Variants in TPO observed in about 807,000 individuals in gnomAD.
TPO encodes the protein thyroid microsomal antigen.
TPO carries 78 observed loss-of-function variants against 96.9 expected under a neutral mutation model. That is an observed-to-expected ratio of 0.81 (90% CI 0.67 to 0.97). The LOEUF is 0.97. Ranked by LOEUF, TPO falls within the 50% of genes least tolerant of loss-of-function variation. The probability of loss-of-function intolerance (pLI) is 0.00; values close to 1 mark genes in which losing one functional copy is unlikely to be tolerated. For missense variants in TPO, 1,252 were observed against 1,274.8 expected, an observed-to-expected ratio of 0.98 and a Z score of 0.27; for synonymous variants, 547 against 538.0, an observed-to-expected ratio of 1.02 and a Z score of -0.23.
At chr2:1,408,139 C>T (rs532066471) in intron 1 of TPO, among the ~76,000 whole-genome samples, 7 of 152,316 alleles carry the variant, frequency 4.6e-5, no homozygotes, top group South Asian at 2.1e-4. Context: ...GATGGCCACT[C>T]GAGCACACAG....
At chr2:1,407,055 ATG>A (rs1662259178) in intron 1 of TPO, among the ~76,000 whole-genome samples, 1 of 152,180 alleles carries the variant, frequency 6.6e-6, no homozygotes. Context: ...AAGGTGAGCA[ATG>A]TAAGTATTGT....
chr2:1,446,946 T>G (rs372902792), intron 5 of TPO, among the ~76,000 whole-genome samples: 9 of 152,198 alleles, frequency 5.9e-5, no homozygotes, highest in African/African-American at 1.9e-4. Context: ...CCCATCTCAT[T>G]TTATGTTTTC....
intron 7 of TPO, among the ~76,000 whole-genome samples, chr2:1,464,635 G>A (rs568358075): frequency 6.6e-6 from 1 of 152,166 alleles, no homozygotes; most frequent in Admixed American, 6.5e-5. Context: ...GTTTTGATTT[G>A]CATTTCCCTG....
At chr2:1,388,823 G>A (rs1425911185) in intron 1 of TPO, among the ~76,000 whole-genome samples, 1 of 152,162 alleles carries the variant, frequency 6.6e-6, no homozygotes, top group Non-Finnish European at 1.5e-5. Context: ...GCTGTAGACT[G>A]GAGCTCTTCC....
chr2:1,401,374 A>T (rs755236539), intron 1 of TPO, among the ~76,000 whole-genome samples: 141 of 152,280 alleles, frequency 9.3e-4, no homozygotes, highest in South Asian at 1.9e-3. Flanking sequence ...AATCAGTTAG[A>T]GCAGGAGCCC....
Position 1,456,196 on chromosome 2 carries a change from C to T in TPO, c.733C>T (p.Pro245Ser). 6.2e-7 allele frequency: 1 copy of T among 1,614,138 alleles called. No individual in the cohort carries two copies. Among genetic ancestry groups the T allele is most frequent in the Non-Finnish European group, 8.5e-7 (1 of 1,180,052 alleles). The part of the protein sequence containing the change: ...QYIDHDIAFT[P>S]QSTSKAAFGG... ...CATCGACCACGACATCGCGTTCACA[C>T]CACAGAGCACCAGCAAAGCTGCCTT... Residue 245 changes from proline (P) to serine (S), a missense_variant, in exon 7 of 17, where the codon CCA becomes TCA. By Grantham distance (74) the Pro-to-Ser change is moderately conservative (BLOSUM62 -1). Transcript: ENST00000329066.
At chr2:1,485,100 T>A (rs573553258) in intron 9 of TPO, among the ~76,000 whole-genome samples, 2 of 127,882 alleles carry the variant, frequency 1.6e-5, no homozygotes, top group African/African-American at 6.0e-5. Flanking sequence ...ATCCCCGCCC[T>A]GTGTCCATGT....
At chr2:1,381,807 T>C (rs1661814836) in intron 1 of TPO, among the ~76,000 whole-genome samples, 1 of 152,158 alleles carries the variant, frequency 6.6e-6, no homozygotes, top group Admixed American at 6.5e-5. Context: ...AGTTTGGACA[T>C]GCGCCTCTAA....
rs1051633518 is a variant in TPO, at chr2:1,429,033, G to A, written c.180-4405G>A. Among the ~76,000 whole-genome samples, 59 of 152,300 alleles carry A rather than the reference G, an allele frequency of 3.9e-4. 1 individual carries two copies. Among genetic ancestry groups the A allele is most frequent in the African/African-American group, 1.2e-3 (48 of 41,550 alleles). ...AGTACCTTTTACAAACATGTCAGCC[G>A]ATATAAAACACGTGTTTTATATTTT... On this transcript the variant is annotated intron_variant, in intron 3 of 16. Coordinates refer to ENST00000329066, the MANE Select transcript of TPO (RefSeq NM_001206744.2).
Position 1,542,804 on chromosome 2 carries a change from C to A in TPO, c.*330C>A, listed in dbSNP as rs977381263. ...CTCCACCTTCTGGCATCTCTGATGC[C>A]GTGCTCGTCTGCACTCTGCCCCGGC... On this transcript the variant is annotated 3_prime_UTR_variant, in exon 17 of 17. Transcript: ENST00000329066. The A allele has an allele frequency of 2.6e-5, 14 of 545,238 alleles. No individual in the cohort carries two copies. In the Admixed American group the frequency reaches 4.2e-4, roughly 16 times the overall value. The allele number at this position is 545,238 out of a possible 1,614,324, so 33.8% of individuals were successfully genotyped here. A position where few individuals can be genotyped will look rare whatever the true frequency, so the allele number is the denominator to read the frequency against.
intron 7 of TPO, among the ~76,000 whole-genome samples, chr2:1,466,646 T>C (rs898412051): frequency 6.6e-6 from 1 of 152,238 alleles, no homozygotes; most frequent in Non-Finnish European, 1.5e-5. Context: ...TATCCATCTC[T>C]AGGTTTCCCA....
At chr2:1,400,263 C>G (rs1662146604) in intron 1 of TPO, among the ~76,000 whole-genome samples, 1 of 152,150 alleles carries the variant, frequency 6.6e-6, no homozygotes, top group African/African-American at 2.4e-5. Context: ...GAGGCCGAAG[C>G]AGGTGGATCA....
At chr2:1,529,906 C>T (rs1173425488) in intron 15 of TPO, among the ~76,000 whole-genome samples, 1 of 124,692 alleles carries the variant, frequency 8.0e-6, no homozygotes, top group African/African-American at 3.3e-5. Flanking sequence ...CCACTCTGTG[C>T]AAACTCCCCA....
chr2:1,519,796 C>G (rs892383429), intron 15 of TPO, among the ~76,000 whole-genome samples: 20 of 152,010 alleles, frequency 1.3e-4, no homozygotes, highest in Admixed American at 9.2e-4. Flanking sequence ...TGCAAACATC[C>G]CTATAAACAT....
chr2:1,456,002 A>C, intron 6 of TPO, 74 bp from the exon 7 acceptor site: 1 of 1,466,746 alleles, frequency 6.8e-7, no homozygotes. Flanking sequence ...CAGGAAGTGC[A>C]TGATCCCAAA....
chr2:1,538,912 A>C (rs1680394732), intron 15 of TPO, among the ~76,000 whole-genome samples: 1 of 152,142 alleles, frequency 6.6e-6, no homozygotes, highest in African/African-American at 2.4e-5. Context: ...GTTCACTGGC[A>C]TTGCTTGGCC....
upstream of TPO, among the ~76,000 whole-genome samples, chr2:1,411,266 A>G (rs1662329607): frequency 6.6e-6 from 1 of 152,242 alleles, no homozygotes; most frequent in South Asian, 2.1e-4. Context: ...ATGTATTTTC[A>G]AATGATAGAT....
intron 13 of TPO, chr2:1,503,742 C>A: frequency 1.1e-6 from 1 of 883,328 alleles, no homozygotes; most frequent in East Asian, 2.7e-5. Context: ...GGCTCAGAGC[C>A]CGTGGCCAGC....
At chr2:1,472,168 T>A (rs1262656253) in intron 7 of TPO, among the ~76,000 whole-genome samples, 3 of 152,076 alleles carry the variant, frequency 2.0e-5, no homozygotes. Flanking sequence ...CAAATGCTCA[T>A]GGCATGCCCT....
Sources: gnomAD v4.1 joint callset for allele counts (sites outside exome capture counted in the v4.1 genomes callset) on GRCh38, gnomAD v4.1.1 for gene constraint, MANE v1.5 for transcripts, NCBI Gene and HGNC (gene_info 2026-07-23, HGNC 2026-07-21) for gene names.